SLCO2B1: variants seen among roughly 807,000 people sequenced by gnomAD.
SLCO2B1 encodes OATP-RP2.
Under a neutral mutation model 67.3 loss-of-function variants are expected in SLCO2B1, and 41 were observed. The observed-to-expected ratio is 0.61, with a 90% CI of 0.47 to 0.79. The LOEUF is 0.79. Ranked by LOEUF, SLCO2B1 falls within the 30% of genes least tolerant of loss-of-function variation. SLCO2B1 has a pLI of 0.00. For missense variants in SLCO2B1, 837 were observed against 920.1 expected (o/e 0.91, Z 1.17); for synonymous variants, 379 against 381.4 (o/e 0.99, Z 0.07).
intron 8 of SLCO2B1, among the ~76,000 whole-genome samples, chr11:75,192,364 T>C (rs1294379002): frequency 6.6e-6 from 1 of 152,196 alleles, no homozygotes; most frequent in African/African-American, 2.4e-5. Flanking sequence ...GCTTACGTTC[T>C]GGTAGGGTGA....
chr11:75,201,809 T>C (rs1945187934), intron 11 of SLCO2B1: 1 of 152,200 alleles, frequency 6.6e-6, no homozygotes, highest in Admixed American at 6.5e-5. Context: ...TGTTCAGCTA[T>C]CCGGAAGCTC....
Position 75,185,084 on chromosome 11 carries a change from C to T in SLCO2B1, c.973-3052C>T, listed in dbSNP as rs1218706579. Among the ~76,000 whole-genome samples the T allele has an allele frequency of 5.9e-5, 9 of 152,176 alleles. No homozygotes were observed. In the South Asian group the frequency reaches 6.2e-4, roughly 11 times the overall value. ...CACATGAATTAATATTTGAATGAAT[C>T]GTCCTGCTGGGACAGGCCAGCCTTG... On this transcript the variant is annotated intron_variant, in intron 7 of 13. Transcript: ENST00000289575.
rs754251441 is a variant in SLCO2B1, at chr11:75,203,427, G to A, written c.1949G>A (p.Arg650Gln). 9 of 1,614,082 alleles carry A rather than the reference G, an allele frequency of 5.6e-6. No homozygotes were observed. The highest frequency in any genetic ancestry group is 2.7e-5 in the African/African-American group (2 of 75,042). ...TACAATAATGACCTGCTCCGAAACC[G>A]GTGAGACCTGGTTTGATGGCTTGTG... ...RYYNNDLLRN[R>Q]FIGLQFFFKT... Residue 650 changes from arginine (R) to glutamine (Q), a missense_variant and splice_region_variant, in exon 13 of 14, where the codon CGG becomes CAG. By Grantham distance (43) the Arg-to-Gln change is conservative (BLOSUM62 1). Transcript: ENST00000289575.
intron 7 of SLCO2B1, among the ~76,000 whole-genome samples, chr11:75,176,783 C>T (rs982760678): frequency 2.6e-5 from 4 of 152,206 alleles, no homozygotes; most frequent in Admixed American, 6.5e-5. Flanking sequence ...TTTGTGTCTC[C>T]GTGGCAGCAT....
chr11:75,204,752 C>A lies in SLCO2B1; in HGVS notation c.*172C>A. On this transcript the variant is annotated 3_prime_UTR_variant, in exon 14 of 14. Coordinates refer to ENST00000289575, the MANE Select transcript of SLCO2B1 (RefSeq NM_007256.5). The stretch of plus-strand genomic sequence containing the variant: ...CCTCTCTCAGCCTTTGCTTGCTAGT[C>A]TGAACCAAAGAGTTGTTTGGGCATT... 1.9e-6 allele frequency: 1 copy of A among 524,764 alleles called. No homozygotes were observed. Among genetic ancestry groups the A allele is most frequent in the South Asian group, 4.4e-5 (1 of 22,590 alleles). The allele number at this position is 524,764 out of a possible 1,614,324, so 32.5% of individuals were successfully genotyped here. A position where few individuals can be genotyped will look rare whatever the true frequency, so the allele number is the denominator to read the frequency against.
rs527915181 is a variant in SLCO2B1 at position 75,172,513 on chromosome 11, C to T, written c.916C>T (p.Arg306Cys). 2.8e-5 allele frequency: 46 copies of T among 1,614,194 alleles called. No individual in the cohort carries two copies. The highest frequency in any genetic ancestry group is 4.0e-5 in the African/African-American group (3 of 75,054). Residue 306 changes from arginine (R) to cysteine (C), a missense_variant, in exon 7 of 14, where the codon CGT (arginine) becomes TGT (cysteine). Transcript: ENST00000289575. The part of the protein sequence containing the change: ...FFPKEMPKEK[R>C]ELQFRRKVLA... Reference sequence around the variant, plus strand: ...CCCCAAGGAAATGCCCAAGGAAAAACGTGAGCTTCAGTTTCGGCGAAAGGT... The same window carrying T: ...CCCCAAGGAAATGCCCAAGGAAAAATGTGAGCTTCAGTTTCGGCGAAAGGT...
intron 4 of SLCO2B1, among the ~76,000 whole-genome samples, chr11:75,168,583 C>T (rs185835866): frequency 2.2e-4 from 34 of 152,320 alleles, no homozygotes; most frequent in African/African-American, 8.2e-4. Flanking sequence ...AACCCTCCCC[C>T]AAAGTGAATG....
intron 1 of SLCO2B1, among the ~76,000 whole-genome samples, chr11:75,153,329 C>A (rs1949713097): frequency 6.6e-6 from 1 of 152,142 alleles, no homozygotes; most frequent in Non-Finnish European, 1.5e-5. Flanking sequence ...CAAATGTAAG[C>A]CATTCTAGGG....
rs145875125 is a variant in SLCO2B1 at position 75,200,262 on chromosome 11, C to A, written c.1638C>A (p.Asn546Lys). Residue 546 changes from asparagine (N) to lysine (K), a missense_variant, in exon 11 of 14, where the codon AAC (asparagine) becomes AAA (lysine). By Grantham distance (94) the Asn-to-Lys change is moderately conservative. Transcript: ENST00000289575. ...YTNCSCVVEGNPVLAGSCDST... is the reference protein window; with the variant it reads ...YTNCSCVVEGKPVLAGSCDST... ...ACTGCAGCTGCGTGGTGGAGGGCAA[C>A]CCCGTGCTGGCAGGATCCTGCGACT... The A allele has an allele frequency of 1.7e-4, 273 of 1,613,810 alleles. No individual in the cohort carries two copies. In the African/African-American group the frequency reaches 2.9e-3, roughly 17 times the overall value.
intron 7 of SLCO2B1, among the ~76,000 whole-genome samples, chr11:75,180,553 T>C (rs1950080683): frequency 6.6e-6 from 1 of 152,206 alleles, no homozygotes; most frequent in Non-Finnish European, 1.5e-5. Context: ...TATTTTAATA[T>C]ATTATATGGT....
At chr11:75,201,579 T>A (rs1945184407) in intron 11 of SLCO2B1, 1 of 152,224 alleles carries the variant, frequency 6.6e-6, no homozygotes, top group Non-Finnish European at 1.5e-5. Flanking sequence ...TTACCAATGA[T>A]TCTGACTGAC....
intron 12 of SLCO2B1, 42 bp downstream of exon 12, chr11:75,203,007 C>A: frequency 1.3e-6 from 2 of 1,540,804 alleles, no homozygotes; most frequent in Non-Finnish European, 1.8e-6. Flanking sequence ...GTGATGGGGT[C>A]CAGATGCCCA....
At chr11:75,199,499 C>T (rs968791567) in intron 10 of SLCO2B1, 4 of 152,390 alleles carry the variant, frequency 2.6e-5, no homozygotes, top group African/African-American at 7.2e-5. Context: ...TTAAAATTTT[C>T]CCAAGGCCCC....
chr11:75,168,169 A>G (rs1190330651), intron 4 of SLCO2B1, among the ~76,000 whole-genome samples: 1 of 152,204 alleles, frequency 6.6e-6, no homozygotes, highest in Non-Finnish European at 1.5e-5. Context: ...CTGGGATTAC[A>G]GGCATGAGCC....
At position 75,151,278 on chromosome 11, in the gene SLCO2B1, C is replaced by A; in HGVS notation, c.-104C>A. 9.7e-7 allele frequency: 1 copy of A among 1,026,054 alleles called. No homozygotes were observed. Among genetic ancestry groups the A allele is most frequent in the Non-Finnish European group, 1.5e-6 (1 of 674,490 alleles). 63.6% of individuals were successfully genotyped at this position (1,026,054 alleles called of 1,614,324 possible). A position where few individuals can be genotyped will look rare whatever the true frequency, so the allele number is the denominator to read the frequency against. On this transcript the variant is annotated 5_prime_UTR_variant, in exon 1 of 14. The change creates a new upstream start codon in the 5' untranslated region. Coordinates refer to ENST00000289575, the MANE Select transcript of SLCO2B1 (RefSeq NM_007256.5). ...TTGCATCCCTGCTGTGGCTCACCTG[C>A]TGCTGTCTCCAGGAGCCCCTGAGAA...
rs376090073 is a variant in SLCO2B1 at position 75,185,330 on chromosome 11, C to T, written c.973-2806C>T. On this transcript the variant is annotated intron_variant, in intron 7 of 13. Transcript: ENST00000289575. ...GCAACATGGGAAGAGGAGGCAGAAC[C>T]AGGAAGCCCAAATGAGTGCTCTCCA... 4.5e-4 allele frequency among the ~76,000 whole-genome samples: 68 copies of T among 152,216 alleles called. 2 individuals carry two copies. The South Asian group carries it at 5.4e-3, about 12-fold the overall frequency.
intron 4 of SLCO2B1, among the ~76,000 whole-genome samples, chr11:75,166,762 C>A (rs111551056): frequency 5.5e-4 from 84 of 152,336 alleles, no homozygotes; most frequent in African/African-American, 1.9e-3. Context: ...AGCTCCCAGC[C>A]TGGGAGAGGA....
intron 10 of SLCO2B1, among the ~76,000 whole-genome samples, chr11:75,199,378 C>T (rs190348375): frequency 1.3e-3 from 202 of 152,342 alleles, no homozygotes; most frequent in African/African-American, 4.7e-3. Context: ...TATCCATCCA[C>T]CCCCAAGCCC....
At chr11:75,163,112 C>G (rs573800335) in intron 2 of SLCO2B1, among the ~76,000 whole-genome samples, 99 of 152,206 alleles carry the variant, frequency 6.5e-4, no homozygotes, top group South Asian at 1.7e-3. Flanking sequence ...ACTGGGAGTC[C>G]TAGCTCCACC....
Sources: allele counts gnomAD v4.1 joint callset (sites outside exome capture counted in the v4.1 genomes callset), GRCh38; gene constraint gnomAD v4.1.1; transcripts MANE v1.5; gene names NCBI Gene and HGNC (gene_info 2026-07-23, HGNC 2026-07-21).